COG6: variants seen among roughly 807,000 people sequenced by gnomAD.
The protein encoded by COG6 is component of oligomeric golgi complex 6.
COG6 carries 74 observed loss-of-function variants against 88.8 expected under a neutral mutation model. The observed-to-expected ratio is 0.83, with a 90% CI of 0.69 to 1.01. COG6 has a LOEUF of 1.01. Ranked by LOEUF, COG6 falls within the 50% of genes least tolerant of loss-of-function variation. COG6 has a pLI of 0.00. For synonymous variants in COG6, 286 were observed against 278.7 expected (o/e 1.03, Z -0.26); for missense variants, 800 against 797.9 (o/e 1.00, Z -0.03).
intron 13 of COG6, among the ~76,000 whole-genome samples, chr13:39,718,664 A>C (rs1049273070): frequency 1.3e-5 from 2 of 152,048 alleles, no homozygotes; most frequent in Non-Finnish European, 2.9e-5. Flanking sequence ...AATGTGTTTA[A>C]CTCTAGAGCC....
chr13:39,688,640 A>G (rs1018670726), intron 10 of COG6, among the ~76,000 whole-genome samples: 3 of 152,156 alleles, frequency 2.0e-5, no homozygotes, highest in Non-Finnish European at 4.4e-5. Context: ...TTACATTTCA[A>G]CTTGAATTTA....
chr13:39,670,659 T>G (rs1257763843), intron 4 of COG6, among the ~76,000 whole-genome samples: 1 of 151,904 alleles, frequency 6.6e-6, no homozygotes, highest in Non-Finnish European at 1.5e-5. Context: ...CCCTCCCTAG[T>G]CCTCCCCTTT....
In COG6 at chr13:39,719,392, G is replaced by T. The variant is rs779980224; in HGVS notation, c.1416+25G>T. ...GGTATGTTATAAATTCATTTTTAATGATTGTTTTTTGCTCTTCTATTGTAC... is the reference window on the plus strand; with the variant it reads ...GGTATGTTATAAATTCATTTTTAATTATTGTTTTTTGCTCTTCTATTGTAC... On this transcript the variant is annotated intron_variant, in intron 14 of 18. Coordinates refer to ENST00000455146, the MANE Select transcript of COG6 (RefSeq NM_020751.3). 6.2e-6 allele frequency: 10 copies of T among 1,606,550 alleles called. No homozygotes were observed. The East Asian group carries it at 2.0e-4, about 32-fold the overall frequency.
chr13:39,722,642 A>AT (rs1288585480), intron 15 of COG6, among the ~76,000 whole-genome samples: 3 of 150,668 alleles, frequency 2.0e-5, no homozygotes, highest in Non-Finnish European at 4.4e-5. Context: ...AAAGAACAAG[A>AT]TTTTTTCTCA....
chr13:39,672,337 A>G (rs1875701365), intron 4 of COG6, among the ~76,000 whole-genome samples: 2 of 152,150 alleles, frequency 1.3e-5, no homozygotes, highest in East Asian at 1.9e-4. Flanking sequence ...TATTGGTTTT[A>G]GTATATTCAG....
In COG6 at chr13:39,719,283, G is replaced by T; in HGVS notation, c.1332G>T (p.Gln444His). The T allele has an allele frequency of 6.2e-7, 1 of 1,612,882 alleles. No homozygotes were observed. The highest frequency in any genetic ancestry group is 8.5e-7 in the Non-Finnish European group (1 of 1,179,208). Residue 444 changes from glutamine (Q) to histidine (H), a missense_variant, in exon 14 of 19, where the codon CAG (glutamine) becomes CAT (histidine). Coordinates refer to ENST00000455146, the MANE Select transcript of COG6 (RefSeq NM_020751.3). The part of the protein sequence containing the change: ...PDLGPSSALN[Q>H]TLMLLREVLA... ...TTGGACCAAGTTCTGCACTAAATCA[G>T]ACACTCATGTTGCTGCGTGAAGTTT...
chr13:39,777,204 A>T (rs9532430), intron 18 of COG6, among the ~76,000 whole-genome samples: 1 of 152,066 alleles, frequency 6.6e-6, no homozygotes, highest in Admixed American at 6.5e-5. Context: ...TAAGCATTCA[A>T]ATAGATAGTG....
intron 8 of COG6, among the ~76,000 whole-genome samples, chr13:39,684,317 C>T (rs935514228): frequency 8.2e-6 from 1 of 121,788 alleles, no homozygotes; most frequent in Admixed American, 1.0e-4. Context: ...GACGCAATCT[C>T]GGCTCACTGC....
intron 18 of COG6, among the ~76,000 whole-genome samples, chr13:39,741,138 T>G (rs1375818406): frequency 6.6e-6 from 1 of 152,166 alleles, no homozygotes; most frequent in Non-Finnish European, 1.5e-5. Flanking sequence ...AGTAAATTTC[T>G]TTGAACATAT....
intron 17 of COG6, among the ~76,000 whole-genome samples, chr13:39,726,861 G>A (rs1016092771): frequency 2.0e-5 from 3 of 151,860 alleles, no homozygotes; most frequent in Non-Finnish European, 4.4e-5. Context: ...CCTTTCCTGA[G>A]AGATGCTTTT....
intron 18 of COG6, among the ~76,000 whole-genome samples, chr13:39,757,893 T>C (rs1880889677): frequency 6.6e-6 from 1 of 152,126 alleles, no homozygotes; most frequent in Non-Finnish European, 1.5e-5. Flanking sequence ...GGATCGGCTG[T>C]GTATCCAAAA....
intron 13 of COG6, among the ~76,000 whole-genome samples, chr13:39,705,876 C>T (rs1877865091): frequency 6.6e-6 from 1 of 151,954 alleles, no homozygotes; most frequent in Non-Finnish European, 1.5e-5. Flanking sequence ...TTCATGTGCT[C>T]ATTATAGTTT....
downstream of COG6, among the ~76,000 whole-genome samples, chr13:39,753,035 A>G (rs891840683): frequency 1.3e-5 from 2 of 152,200 alleles, no homozygotes; most frequent in Non-Finnish European, 2.9e-5. Flanking sequence ...AGATGACACA[A>G]ATGGACTAAT....
At chr13:39,763,231 A>C (rs1458399844) in intron 18 of COG6, among the ~76,000 whole-genome samples, 1 of 151,534 alleles carries the variant, frequency 6.6e-6, no homozygotes, top group Non-Finnish European at 1.5e-5. Context: ...TTACTTATTA[A>C]TTGTAAGCGT....
chr13:39,755,278 T>C (rs1027208058), downstream of COG6, among the ~76,000 whole-genome samples: 1 of 152,158 alleles, frequency 6.6e-6, no homozygotes, highest in Admixed American at 6.6e-5. Flanking sequence ...AGTTCAGCAG[T>C]AGTGTTGAAA....
At chr13:39,684,332 T>C (rs1053513020) in intron 8 of COG6, among the ~76,000 whole-genome samples, 5 of 132,282 alleles carry the variant, frequency 3.8e-5, no homozygotes, top group African/African-American at 1.4e-4. Flanking sequence ...CACTGCAGGC[T>C]CCGCCCCCTG....
intron 18 of COG6, chr13:39,788,239 C>T (rs1881833927): frequency 4.8e-6 from 6 of 1,242,948 alleles, no homozygotes; most frequent in Non-Finnish European, 6.9e-6. Context: ...ATATTTATTT[C>T]AGCCCTCCCT....
intron 18 of COG6, among the ~76,000 whole-genome samples, chr13:39,731,572 ATAACT>A (rs1467866427): frequency 6.6e-6 from 1 of 152,202 alleles, no homozygotes; most frequent in African/African-American, 2.4e-5. Flanking sequence ...TACTTCCATA[ATAACT>A]TAAGAAATAA....
intron 18 of COG6, among the ~76,000 whole-genome samples, chr13:39,787,353 G>A (rs879689274): frequency 2.6e-5 from 4 of 152,102 alleles, no homozygotes; most frequent in Admixed American, 6.6e-5. Context: ...GCATTTAACT[G>A]GATTCTGTAT....
Sources: gnomAD v4.1 joint callset for allele counts (sites outside exome capture counted in the v4.1 genomes callset) on GRCh38, gnomAD v4.1.1 for gene constraint, MANE v1.5 for transcripts, NCBI Gene and HGNC (gene_info 2026-07-23, HGNC 2026-07-21) for gene names.